LRRC7: variants seen among roughly 807,000 people sequenced by gnomAD.
The protein encoded by LRRC7 is leucine-rich repeat-containing protein 7.
In LRRC7, 23 loss-of-function variants were observed where a neutral mutation model predicts 175.7. That is an observed-to-expected ratio of 0.13 (90% CI 0.09 to 0.19). LRRC7 has a LOEUF of 0.19. Ranked by LOEUF, LRRC7 falls within the 10% of genes least tolerant of loss-of-function variation. The pLI is 1.00. For missense variants in LRRC7, 1,354 were observed against 1,904.7 expected, an observed-to-expected ratio of 0.71 and a Z score of 5.38; for synonymous variants, 685 against 680.9, an observed-to-expected ratio of 1.01 and a Z score of -0.09.
intron 7 of LRRC7, among the ~76,000 whole-genome samples, chr1:69,900,062 T>A (rs1646091388): frequency 6.6e-6 from 1 of 152,212 alleles, no homozygotes; most frequent in Admixed American, 6.5e-5. Context: ...AATATTATTA[T>A]TTTGTCTTTT....
intron 2 of LRRC7, among the ~76,000 whole-genome samples, chr1:69,688,561 T>C (rs1570363206): frequency 6.6e-6 from 1 of 152,092 alleles, no homozygotes; most frequent in Non-Finnish European, 1.5e-5. Context: ...TCTGCAGTTA[T>C]GAACCTCACA....
In LRRC7 at chr1:70,134,446, C is replaced by G. The variant is rs1023802442; in HGVS notation, c.*12559C>G. Among the ~76,000 whole-genome samples, 1 of 152,236 alleles carries G rather than the reference C, an allele frequency of 6.6e-6. No individual in the cohort carries two copies. The highest frequency in any genetic ancestry group is 2.4e-5 in the African/African-American group (1 of 41,456). On this transcript the variant is annotated 3_prime_UTR_variant, in exon 27 of 27. Transcript: ENST00000651989. The stretch of plus-strand genomic sequence containing the variant: ...CTCACCCTCACAGCTTAGCCAGCCT[C>G]CTGGTCTGAGCTTCTTCTTTGCTAA...
chr1:69,835,015 T>C, intron 6 of LRRC7, 146 bp downstream of exon 6: 1 of 564,988 alleles, frequency 1.8e-6, no homozygotes, highest in South Asian at 3.3e-5. Flanking sequence ...TGTTAATTAA[T>C]GAAACTTTTG....
At chr1:70,121,032 T>C (rs1176178713) in intron 26 of LRRC7, among the ~76,000 whole-genome samples, 2 of 152,028 alleles carry the variant, frequency 1.3e-5, no homozygotes, top group Non-Finnish European at 2.9e-5. Context: ...TTTTGTGACA[T>C]AAATATCACA....
rs2102028360 is a variant in LRRC7 at position 70,039,230 on chromosome 1, G to C, written c.3406G>C (p.Val1136Leu). 1.9e-6 allele frequency: 3 copies of C among 1,613,894 alleles called. No homozygotes were observed. The highest frequency in any genetic ancestry group is 2.2e-5 in the South Asian group (2 of 91,080). The change falls in exon 21 of 27, where the codon GTG becomes CTG. Residue 1136 changes from valine to leucine, a missense_variant. By Grantham distance (32) the Val-to-Leu change is conservative. Around this residue, in one of 4 missense-constraint regions of LRRC7, gnomAD observed 1,032 missense variants for 1,227.2 expected, o/e 0.84. Transcript: ENST00000651989. The stretch of plus-strand genomic sequence containing the variant: ...TCAGCCATCTGTGAATGAGGATGCT[G>C]TGGTGAATGCCCAGTTCGCAAGCCA... Reference protein sequence around the residue: ...FSQPSVNEDAVVNAQFASQGA... With the variant: ...FSQPSVNEDALVNAQFASQGA...
intron 18 of LRRC7, among the ~76,000 whole-genome samples, chr1:70,035,695 A>G (rs753069696): frequency 2.0e-5 from 3 of 152,004 alleles, no homozygotes; most frequent in Admixed American, 6.5e-5. Flanking sequence ...CTTAGAGTTA[A>G]CCACTTAGAA....
chr1:69,820,377 T>C (rs938222474), intron 4 of LRRC7, among the ~76,000 whole-genome samples: 2 of 152,164 alleles, frequency 1.3e-5, no homozygotes, highest in Non-Finnish European at 2.9e-5. Context: ...ATTACTATTA[T>C]CATTATAATA....
At chr1:69,777,041 C>T (rs1330539499) in intron 3 of LRRC7, among the ~76,000 whole-genome samples, 1 of 151,982 alleles carries the variant, frequency 6.6e-6, no homozygotes, top group Non-Finnish European at 1.5e-5. Flanking sequence ...TACCAAGAGC[C>T]CTAAATAATT....
intron 2 of LRRC7, among the ~76,000 whole-genome samples, chr1:69,697,387 T>G (rs562398894): frequency 2.9e-4 from 44 of 152,354 alleles, no homozygotes; most frequent in African/African-American, 1.0e-3. Flanking sequence ...TCAATTCCAC[T>G]GAAGATAGAG....
At chr1:69,790,629 A>T (rs1674997978) in intron 3 of LRRC7, among the ~76,000 whole-genome samples, 1 of 151,976 alleles carries the variant, frequency 6.6e-6, no homozygotes, top group East Asian at 1.9e-4. Flanking sequence ...CTGTATGCAG[A>T]TATAGATGTA....
intron 2 of LRRC7, among the ~76,000 whole-genome samples, chr1:69,696,954 A>G (rs987464519): frequency 1.3e-5 from 2 of 152,188 alleles, no homozygotes; most frequent in African/African-American, 4.8e-5. Context: ...CTTTATATGA[A>G]TGCAAATGGA....
At position 69,729,968 on chromosome 1, in the gene LRRC7, C is replaced by T. The variant is rs1667387288; in HGVS notation, c.101-30223C>T. Among the ~76,000 whole-genome samples, 6 of 152,218 alleles carry T rather than the reference C, an allele frequency of 3.9e-5. No homozygotes were observed. The South Asian group carries it at 1.2e-3, about 31-fold the overall frequency. On this transcript the variant is annotated intron_variant, in intron 2 of 26. Coordinates refer to ENST00000651989, the MANE Select transcript of LRRC7 (RefSeq NM_001370785.2). Reference sequence around the variant, plus strand: ...CAAACCTCAATTCTTGACTTCTAGGCACCTGCAGGCTCAACACCACATGAA... The same window carrying T: ...CAAACCTCAATTCTTGACTTCTAGGTACCTGCAGGCTCAACACCACATGAA...
At chr1:69,800,152 T>C (rs1045705102) in intron 4 of LRRC7, among the ~76,000 whole-genome samples, 6 of 152,014 alleles carry the variant, frequency 3.9e-5, no homozygotes, top group Non-Finnish European at 7.4e-5. Flanking sequence ...AGCCTTGTAG[T>C]ATAATTTGGG....
chr1:70,098,178 A>G (rs1188993256), intron 25 of LRRC7, among the ~76,000 whole-genome samples: 2 of 152,174 alleles, frequency 1.3e-5, no homozygotes, highest in African/African-American at 4.8e-5. Context: ...ATGGTATCTC[A>G]TGGTGGTTTT....
intron 7 of LRRC7, among the ~76,000 whole-genome samples, chr1:69,848,835 A>G (rs768419847): frequency 2.5e-4 from 38 of 152,246 alleles, no homozygotes; most frequent in African/African-American, 8.2e-4. Flanking sequence ...AAAAATTCAC[A>G]TAAGAAATTA....
At chr1:69,907,762 G>A (rs1346518109) in intron 7 of LRRC7, among the ~76,000 whole-genome samples, 1 of 152,276 alleles carries the variant, frequency 6.6e-6, no homozygotes, top group East Asian at 1.9e-4. Flanking sequence ...GTATCAGGAT[G>A]ATGCTGGCCT....
intron 1 of LRRC7, among the ~76,000 whole-genome samples, chr1:69,661,166 AG>A (rs138568921): frequency 0.061 from 9,202 of 150,976 alleles, 295 homozygotes; most frequent in South Asian, 0.1. Flanking sequence ...TAGAAAAAAA[AG>A]AACAAAGATT....
chr1:69,895,705 CT>C (rs1645960744), intron 7 of LRRC7, among the ~76,000 whole-genome samples: 1 of 152,140 alleles, frequency 6.6e-6, no homozygotes, highest in South Asian at 2.1e-4. Flanking sequence ...TTCTCTTTTT[CT>C]GCCTGGATTC....
At chr1:69,661,496 C>T (rs922327419) in intron 1 of LRRC7, among the ~76,000 whole-genome samples, 2 of 152,108 alleles carry the variant, frequency 1.3e-5, no homozygotes, top group Non-Finnish European at 2.9e-5. Context: ...CTTGATTAAT[C>T]GTAACAGTTC....
Sources: gnomAD v4.1 joint callset for allele counts (sites outside exome capture counted in the v4.1 genomes callset) on GRCh38, gnomAD v4.1.1 for gene constraint, gnomAD v4.1.1 regional missense constraint, MANE v1.5 for transcripts, NCBI Gene and HGNC (gene_info 2026-07-23, HGNC 2026-07-21) for gene names.